Variants in TMEM108 observed in about 807,000 individuals in gnomAD.
TMEM108 encodes the protein transmembrane protein 108.
Under a neutral mutation model 35.1 loss-of-function variants are expected in TMEM108, and 12 were observed. That is an observed-to-expected ratio of 0.34 (90% CI 0.22 to 0.55). The LOEUF is 0.55. TMEM108 is among the 20% of genes least tolerant of loss of function. The pLI is 0.89. For missense variants in TMEM108, 680 were observed against 753.3 expected (o/e 0.90, Z 1.14); for synonymous variants, 287 against 308.6 (o/e 0.93, Z 0.73).
At chr3:133,357,291 C>T (rs749970327) in intron 3 of TMEM108, among the ~76,000 whole-genome samples, 3 of 152,062 alleles carry the variant, frequency 2.0e-5, no homozygotes, top group South Asian at 2.1e-4. Flanking sequence ...TAGTCGTTGG[C>T]GTGGATGTGG....
At chr3:133,231,087 T>C (rs1397331952) in intron 3 of TMEM108, among the ~76,000 whole-genome samples, 3 of 152,202 alleles carry the variant, frequency 2.0e-5, no homozygotes, top group Non-Finnish European at 4.4e-5. Context: ...CAGCCAGTTA[T>C]TAAGTTATGT....
chr3:133,131,018 C>G (rs765535742), intron 2 of TMEM108, among the ~76,000 whole-genome samples: 1 of 152,136 alleles, frequency 6.6e-6, no homozygotes, highest in Non-Finnish European at 1.5e-5. Flanking sequence ...CTAAATTTTT[C>G]ATCATTTTTG....
In TMEM108 at chr3:133,266,868, C is replaced by T. The variant is rs1000289387; in HGVS notation, c.40+37517C>T. On this transcript the variant is annotated intron_variant, in intron 3 of 5. Transcript: ENST00000321871. ...CGGGTGGATCACAAGGTCAGGAGATCGAGACCATCCTGGCTAACACAGTGA... is the reference window on the plus strand; with the variant it reads ...CGGGTGGATCACAAGGTCAGGAGATTGAGACCATCCTGGCTAACACAGTGA... Among the ~76,000 whole-genome samples the T allele has an allele frequency of 3.6e-5, 5 of 140,658 alleles. No individual in the cohort carries two copies. The East Asian group carries it at 6.2e-4, about 17-fold the overall frequency. The allele number at this position is 140,658 out of a possible 152,430, so 92.3% of individuals were successfully genotyped here. A position where few individuals can be genotyped will look rare whatever the true frequency, so the allele number is the denominator to read the frequency against.
chr3:133,217,495 T>A (rs1196920673), intron 2 of TMEM108, among the ~76,000 whole-genome samples: 2 of 152,070 alleles, frequency 1.3e-5, no homozygotes, highest in Non-Finnish European at 2.9e-5. Flanking sequence ...CAAAAAATCA[T>A]TGACCAAACC....
intron 3 of TMEM108, chr3:133,303,261 G>T (rs181076514): frequency 6.6e-6 from 1 of 152,200 alleles, no homozygotes; most frequent in African/African-American, 2.4e-5. Flanking sequence ...TTTTGAGTAT[G>T]TACATGTTAC....
chr3:133,147,160 G>A (rs751556913), intron 2 of TMEM108, among the ~76,000 whole-genome samples: 2 of 152,146 alleles, frequency 1.3e-5, no homozygotes, highest in Non-Finnish European at 2.9e-5. Context: ...GTTACGTTGT[G>A]TCTTTGTTCT....
chr3:133,251,355 C>T (rs1264732574), intron 3 of TMEM108, among the ~76,000 whole-genome samples: 1 of 152,100 alleles, frequency 6.6e-6, no homozygotes, highest in African/African-American at 2.4e-5. Flanking sequence ...CTATAAAAGA[C>T]ACTGCAGAGG....
At chr3:133,104,983 G>A (rs1421103485) in intron 2 of TMEM108, among the ~76,000 whole-genome samples, 1 of 152,198 alleles carries the variant, frequency 6.6e-6, no homozygotes, top group Non-Finnish European at 1.5e-5. Flanking sequence ...TGTGGATTGG[G>A]AAAGAAGAGT....
intron 3 of TMEM108, among the ~76,000 whole-genome samples, chr3:133,265,153 G>A (rs1349719797): frequency 6.6e-6 from 1 of 152,204 alleles, no homozygotes; most frequent in East Asian, 1.9e-4. Context: ...TACCCAGATG[G>A]ATCCGATTAG....
intron 4 of TMEM108, chr3:133,388,472 G>C: frequency 1.0e-6 from 1 of 985,400 alleles, no homozygotes; most frequent in Non-Finnish European, 1.2e-6. Context: ...CTGAAGAAAG[G>C]GTTTTTTGGA....
chr3:133,225,764 G>A (rs1946061340), intron 2 of TMEM108, among the ~76,000 whole-genome samples: 1 of 151,880 alleles, frequency 6.6e-6, no homozygotes, highest in South Asian at 2.1e-4. Context: ...CTGTACAAGT[G>A]GTTTAATTTA....
Position 133,380,568 on chromosome 3 carries a change from G to T in TMEM108, c.857G>T (p.Gly286Val). 4.3e-6 allele frequency: 7 copies of T among 1,613,604 alleles called. No individual in the cohort carries two copies. The highest frequency in any genetic ancestry group is 1.1e-5 in the South Asian group (1 of 90,992). The part of the protein sequence containing the change: ...DKPGLRRAAQ[G>V]GGSTFTSQGG... ...CCAGGCCTTCGCAGAGCAGCCCAGG[G>T]GGGTGGTTCTACCTTCACCAGCCAA... The change falls in exon 4 of 6, where the codon GGG (glycine) becomes GTG (valine). Residue 286 changes from glycine (G) to valine (V), a missense_variant. By Grantham distance (109) the Gly-to-Val change is moderately radical (BLOSUM62 -3). Transcript: ENST00000321871. This position sits in a 1 kb window ranked among gnomAD's most constrained non-coding sequence, Gnocchi z 5.3.
At chr3:133,310,133 A>G (rs967005763) in intron 3 of TMEM108, among the ~76,000 whole-genome samples, 19 of 152,154 alleles carry the variant, frequency 1.2e-4, no homozygotes, top group African/African-American at 4.3e-4. Flanking sequence ...TATGTGGTCA[A>G]TTTTAGAGTA....
In TMEM108 at chr3:133,049,010, CTG is replaced by C. The variant is rs1559815952; in HGVS notation, c.-47+2994_-47+2995del. On this transcript the variant is annotated intron_variant, in intron 2 of 5. Transcript: ENST00000321871. ...AATTTCTGGGAGTGGGCGTAATAATCTGTGTTTTAACAAGACTCCCAGTGATC... is the reference window on the plus strand; with the variant it reads ...AATTTCTGGGAGTGGGCGTAATAATCTGTTTTAACAAGACTCCCAGTGATC... Among the ~76,000 whole-genome samples, 12 of 152,308 alleles carry C rather than the reference CTG, an allele frequency of 7.9e-5. No individual in the cohort carries two copies. The South Asian group carries it at 2.5e-3, about 32-fold the overall frequency.
intron 2 of TMEM108, among the ~76,000 whole-genome samples, chr3:133,047,319 G>A (rs967797100): frequency 6.6e-6 from 1 of 152,132 alleles, no homozygotes; most frequent in Non-Finnish European, 1.5e-5. Context: ...AGTATATCCT[G>A]TATATCCTCT....
intron 2 of TMEM108, among the ~76,000 whole-genome samples, chr3:133,173,674 C>A (rs2107792875): frequency 6.6e-6 from 1 of 152,254 alleles, no homozygotes; most frequent in East Asian, 1.9e-4. Context: ...GACCATATAG[C>A]TTTAGAAGTG....
chr3:133,058,278 C>G (rs1182430442), intron 2 of TMEM108, among the ~76,000 whole-genome samples: 1 of 152,150 alleles, frequency 6.6e-6, no homozygotes. Context: ...AACTTTTCTC[C>G]TGCTCTCCCC....
intron 2 of TMEM108, among the ~76,000 whole-genome samples, chr3:133,131,481 A>G (rs1386637622): frequency 6.7e-6 from 1 of 148,520 alleles, no homozygotes; most frequent in Non-Finnish European, 1.5e-5. Flanking sequence ...TATATCTCGT[A>G]TGGTGATCAG....
chr3:133,279,456 A>G (rs1946882803), intron 3 of TMEM108, among the ~76,000 whole-genome samples: 1 of 152,346 alleles, frequency 6.6e-6, no homozygotes, highest in South Asian at 2.1e-4. Flanking sequence ...GCAGATAGTA[A>G]TGACCCTAAA....
Sources: gnomAD v4.1 joint callset for allele counts (sites outside exome capture counted in the v4.1 genomes callset) on GRCh38, gnomAD v4.1.1 for gene constraint, Gnocchi (gnomAD v3.1) non-coding constraint, MANE v1.5 for transcripts, NCBI Gene and HGNC (gene_info 2026-07-23, HGNC 2026-07-21) for gene names.